LYPD6B: variants seen among roughly 807,000 people sequenced by gnomAD.
The protein encoded by LYPD6B is LY6/PLAUR domain containing 6B.
A neutral mutation model predicts 22.8 loss-of-function variants in LYPD6B; 17 were observed. The ratio of observed to expected loss-of-function variants is 0.75; its 90% CI spans 0.51 to 1.12. The LOEUF (loss-of-function observed/expected upper bound fraction) is 1.12. Ranked by LOEUF, LYPD6B falls within the 50% of genes most tolerant of loss-of-function variation. LYPD6B has a pLI of 0.00. For synonymous variants in LYPD6B, 106 were observed against 91.6 expected (o/e 1.16, Z -0.90); for missense variants, 221 against 258.3 (o/e 0.86, Z 0.99).
chr2:149,041,535 A>G (rs1229228807), intron 1 of LYPD6B, among the ~76,000 whole-genome samples: 1 of 152,198 alleles, frequency 6.6e-6, no homozygotes, highest in Non-Finnish European at 1.5e-5. Flanking sequence ...GGAGGGGCTC[A>G]CCTACCTGAG....
chr2:149,040,834 G>A (rs1240603107), intron 1 of LYPD6B, among the ~76,000 whole-genome samples: 1 of 152,238 alleles, frequency 6.6e-6, no homozygotes. Flanking sequence ...AGGGCATCCT[G>A]TGTGTCCATC....
In LYPD6B at chr2:149,178,963, CCGT is replaced by C. The variant is rs1277871926; in HGVS notation, c.77+18133_77+18135del. The stretch of plus-strand genomic sequence containing the variant: ...TATCAATTTTCATTTCTGTCTACTA[CCGT>C]CGTCATGAGATTACTTATTTTTCCT... On this transcript the variant is annotated intron_variant, in intron 3 of 6. Transcript: ENST00000409642. Among the ~76,000 whole-genome samples, 3 of 152,344 alleles carry C rather than the reference CCGT, an allele frequency of 2.0e-5. No individual in the cohort carries two copies. In the East Asian group the frequency reaches 5.8e-4, roughly 29 times the overall value.
At chr2:149,062,187 A>G (rs1967020) in intron 1 of LYPD6B, among the ~76,000 whole-genome samples, 89,967 of 151,926 alleles carry the variant, frequency 0.59, 29,334 homozygotes, top group Non-Finnish European at 0.73. Context: ...GGGTTTCTCC[A>G]TGTTGGTCAG....
At chr2:149,205,598 T>G (rs1693461461) in intron 4 of LYPD6B, among the ~76,000 whole-genome samples, 194 bp downstream of exon 4, 1 of 152,208 alleles carries the variant, frequency 6.6e-6, no homozygotes, top group Non-Finnish European at 1.5e-5. Flanking sequence ...CTTAAAATGG[T>G]CTGGCTTCCT....
chr2:149,156,306 G>A (rs1689696442), intron 2 of LYPD6B, among the ~76,000 whole-genome samples: 1 of 152,152 alleles, frequency 6.6e-6, no homozygotes, highest in African/African-American at 2.4e-5. Context: ...ACCCTGCTTG[G>A]GGATAAGGGA....
At chr2:149,180,920 A>AC (rs1487150567) in intron 3 of LYPD6B, among the ~76,000 whole-genome samples, 1 of 152,188 alleles carries the variant, frequency 6.6e-6, no homozygotes, top group Non-Finnish European at 1.5e-5. Context: ...GTGACCTTGG[A>AC]CCAGGCCCTG....
At chr2:149,113,658 G>A (rs971039588) in intron 1 of LYPD6B, among the ~76,000 whole-genome samples, 4 of 151,966 alleles carry the variant, frequency 2.6e-5, no homozygotes, top group African/African-American at 9.7e-5. Context: ...AGTCTCTAGT[G>A]GGTTTTAAAA....
At chr2:149,150,329 T>C (rs1216415056) in intron 2 of LYPD6B, among the ~76,000 whole-genome samples, 1 of 152,218 alleles carries the variant, frequency 6.6e-6, no homozygotes, top group Non-Finnish European at 1.5e-5. Context: ...TACTCGTTTG[T>C]TTTGCTGGTG....
In LYPD6B at chr2:149,147,322, G is replaced by A. The variant is rs1056559922; in HGVS notation, c.6-13442G>A. Among the ~76,000 whole-genome samples the A allele has an allele frequency of 1.8e-4, 27 of 152,308 alleles. No homozygotes were observed. The Middle Eastern group carries it at 0.01, about 58-fold the overall frequency. Reference sequence around the variant, plus strand: ...TTACCTTTAACTTGTGATAAAGAGGGTAACCCAAGTCATTAATCCAGAGGA... The same window carrying A: ...TTACCTTTAACTTGTGATAAAGAGGATAACCCAAGTCATTAATCCAGAGGA... On this transcript the variant is annotated intron_variant, in intron 2 of 6. Coordinates refer to ENST00000409642, the MANE Select transcript of LYPD6B (RefSeq NM_177964.5).
At chr2:149,084,440 C>G (rs1685295334) in intron 1 of LYPD6B, among the ~76,000 whole-genome samples, 1 of 152,034 alleles carries the variant, frequency 6.6e-6, no homozygotes. Flanking sequence ...CTCTACTTGT[C>G]CTTCAAATTG....
chr2:149,128,117 G>T (rs1687811701), intron 1 of LYPD6B, among the ~76,000 whole-genome samples: 4 of 151,954 alleles, frequency 2.6e-5, no homozygotes, highest in Admixed American at 1.3e-4. Context: ...ATAACCTATT[G>T]CTTCTAAAAT....
At chr2:149,041,860 G>C (rs74348007) in intron 1 of LYPD6B, among the ~76,000 whole-genome samples, 1,689 of 152,300 alleles carry the variant, frequency 0.011, 34 homozygotes, top group African/African-American at 0.039. Context: ...CCTGAAACCT[G>C]GAAAAGCTTC....
intron 3 of LYPD6B, 143 bp from the exon 4 acceptor site, chr2:149,205,110 C>T (rs745597076): frequency 6.6e-6 from 5 of 761,690 alleles, no homozygotes; most frequent in Non-Finnish European, 8.3e-6. Flanking sequence ...AAAAACAATG[C>T]AATTTACTCG....
At chr2:149,042,571 C>T (rs1683130695) in intron 1 of LYPD6B, among the ~76,000 whole-genome samples, 1 of 152,164 alleles carries the variant, frequency 6.6e-6, no homozygotes, top group Non-Finnish European at 1.5e-5. Flanking sequence ...AGAGAAATGC[C>T]TTGGGCAGTC....
In LYPD6B at chr2:149,196,238, A is replaced by C. The variant is rs190464278; in HGVS notation, c.78-9015A>C. Among the ~76,000 whole-genome samples, 330 of 152,292 alleles carry C rather than the reference A, an allele frequency of 2.2e-3. 2 individuals carry two copies. The highest frequency in any genetic ancestry group is 4.4e-3 in the Admixed American group (67 of 15,288). On this transcript the variant is annotated intron_variant, in intron 3 of 6. Coordinates refer to ENST00000409642, the MANE Select transcript of LYPD6B (RefSeq NM_177964.5). ...CTTTGTTATATATTCAGAATGCAGA[A>C]ATTTTTTATTAGTATTGCTTTTATA...
chr2:149,141,373 T>C (rs1487925267), intron 2 of LYPD6B, among the ~76,000 whole-genome samples: 2 of 152,196 alleles, frequency 1.3e-5, no homozygotes, highest in Non-Finnish European at 2.9e-5. Context: ...TAAAGTTGTT[T>C]GGTGTGTCTT....
intron 1 of LYPD6B, among the ~76,000 whole-genome samples, chr2:149,129,550 G>A (rs867383502): frequency 3.3e-5 from 5 of 152,186 alleles, no homozygotes; most frequent in African/African-American, 7.2e-5. Flanking sequence ...TTTCCTCCTC[G>A]TGGTTTATAA....
intron 3 of LYPD6B, among the ~76,000 whole-genome samples, chr2:149,162,854 G>A (rs999366965): frequency 1.3e-5 from 2 of 151,548 alleles, no homozygotes; most frequent in Non-Finnish European, 2.9e-5. Flanking sequence ...TCTATTAAAT[G>A]TGTATGGTTA....
At chr2:149,161,318 G>T in intron 3 of LYPD6B, 1 of 160,706 alleles carries the variant, frequency 6.2e-6, no homozygotes, top group Non-Finnish European at 1.4e-5. Flanking sequence ...AATATTTACT[G>T]ATCTAAAACA....
Sources: gnomAD v4.1 joint callset for allele counts (sites outside exome capture counted in the v4.1 genomes callset) on GRCh38, gnomAD v4.1.1 for gene constraint, MANE v1.5 for transcripts, NCBI Gene and HGNC (gene_info 2026-07-23, HGNC 2026-07-21) for gene names.